Variants in CNTN5 observed in about 807,000 individuals in gnomAD.
CNTN5 encodes the protein contactin 5.
A neutral mutation model predicts 129.1 loss-of-function variants in CNTN5; 77 were observed. The observed-to-expected ratio is 0.60, with a 90% CI of 0.50 to 0.72. The LOEUF (loss-of-function observed/expected upper bound fraction) is 0.72, where lower values mean the gene tolerates loss of function less well. CNTN5 is among the 30% of genes least tolerant of loss of function. The probability of loss-of-function intolerance (pLI) is 0.00; values close to 1 mark genes in which losing one functional copy is unlikely to be tolerated. For synonymous variants in CNTN5, 509 were observed against 465.6 expected (o/e 1.09, Z -1.20); for missense variants, 1,478 against 1,328.8 (o/e 1.11, Z -1.75).
At chr11:99,285,178 G>A (rs530681805) in intron 1 of CNTN5, among the ~76,000 whole-genome samples, 2 of 152,230 alleles carry the variant, frequency 1.3e-5, no homozygotes, top group African/African-American at 4.8e-5. Flanking sequence ...CTCAGATGTG[G>A]CAGATAAATG....
In CNTN5 at chr11:100,312,515, C is replaced by T. The variant is rs924120894; in HGVS notation, c.2730+4047C>T. Among the ~76,000 whole-genome samples the T allele has an allele frequency of 2.0e-5, 3 of 152,096 alleles. No individual in the cohort carries two copies. In the South Asian group the frequency reaches 6.2e-4, roughly 32 times the overall value. On this transcript the variant is annotated intron_variant, in intron 21 of 24. Transcript: ENST00000524871. ...CTAATTATTACTAAAATATAATGAA[C>T]CCATAAAGCTTAACAATTTTGTTTA...
chr11:100,096,808 G>A (rs900061476), intron 13 of CNTN5, among the ~76,000 whole-genome samples: 9 of 151,936 alleles, frequency 5.9e-5, no homozygotes, highest in South Asian at 2.1e-4. Context: ...TGACTCTCCC[G>A]ACCACATGGA....
chr11:100,267,550 A>G (rs752816933), intron 17 of CNTN5, among the ~76,000 whole-genome samples: 4 of 152,108 alleles, frequency 2.6e-5, no homozygotes, highest in Non-Finnish European at 5.9e-5. Context: ...TATAAGAGGT[A>G]TGAACTTAGC....
At chr11:99,847,387 T>G (rs1369788137) in intron 6 of CNTN5, among the ~76,000 whole-genome samples, 3 of 152,226 alleles carry the variant, frequency 2.0e-5, no homozygotes, top group Non-Finnish European at 2.9e-5. Flanking sequence ...GTATCTTACC[T>G]ATTTAGCATG....
At chr11:99,218,766 G>T (rs994978385) in intron 1 of CNTN5, among the ~76,000 whole-genome samples, 3 of 152,020 alleles carry the variant, frequency 2.0e-5, no homozygotes, top group Non-Finnish European at 2.9e-5. Flanking sequence ...AACCTCTTTT[G>T]TATTTTATGT....
intron 21 of CNTN5, among the ~76,000 whole-genome samples, chr11:100,332,547 G>A (rs1951926143): frequency 6.6e-6 from 1 of 151,954 alleles, no homozygotes; most frequent in Non-Finnish European, 1.5e-5. Context: ...GAAAACTACA[G>A]ATCAATATCC....
intron 1 of CNTN5, among the ~76,000 whole-genome samples, chr11:99,174,403 G>T (rs12366204): frequency 0.13 from 19,938 of 152,188 alleles, 1,457 homozygotes; most frequent in Middle Eastern, 0.24. Flanking sequence ...ATAAGATAAT[G>T]CATTTTTAAC....
intron 2 of CNTN5, among the ~76,000 whole-genome samples, chr11:99,331,698 T>C (rs955519604): frequency 7.2e-5 from 11 of 152,158 alleles, no homozygotes; most frequent in African/African-American, 2.7e-4. Flanking sequence ...TAAATTGCAA[T>C]GTTGTATTTA....
At chr11:99,395,146 A>G (rs1056910471) in intron 2 of CNTN5, among the ~76,000 whole-genome samples, 6 of 151,936 alleles carry the variant, frequency 3.9e-5, no homozygotes, top group Non-Finnish European at 5.9e-5. Flanking sequence ...AAACTAATTT[A>G]TACTCCCACT....
chr11:100,064,186 G>A (rs10894383), intron 10 of CNTN5, among the ~76,000 whole-genome samples: 119,647 of 152,180 alleles, frequency 0.79, 47,436 homozygotes, highest in East Asian at 1. Flanking sequence ...CAAACAGTCA[G>A]TATTCATGTA....
At chr11:99,688,665 G>A (rs192285803) in intron 3 of CNTN5, among the ~76,000 whole-genome samples, 34 of 152,154 alleles carry the variant, frequency 2.2e-4, no homozygotes, top group African/African-American at 7.5e-4. Context: ...TTGTTACATA[G>A]GTAAACATGT....
At chr11:99,545,574 A>T (rs1166243775) in intron 2 of CNTN5, among the ~76,000 whole-genome samples, 3 of 152,198 alleles carry the variant, frequency 2.0e-5, no homozygotes, top group Admixed American at 2.0e-4. Context: ...ATATCACGTT[A>T]TACAAAGGAA....
chr11:99,846,062 C>T (rs192327348), intron 6 of CNTN5, among the ~76,000 whole-genome samples: 1 of 151,664 alleles, frequency 6.6e-6, no homozygotes, highest in Admixed American at 6.6e-5. Context: ...TAGATTTTGA[C>T]TATATCTCCT....
intron 3 of CNTN5, among the ~76,000 whole-genome samples, chr11:99,796,244 G>C (rs575093737): frequency 9.2e-5 from 14 of 152,198 alleles, no homozygotes; most frequent in Admixed American, 6.5e-4. Flanking sequence ...GGAATCTCTG[G>C]GCACATTTGC....
At chr11:99,964,998 G>T (rs1951055648) in intron 8 of CNTN5, among the ~76,000 whole-genome samples, 1 of 152,144 alleles carries the variant, frequency 6.6e-6, no homozygotes, top group African/African-American at 2.4e-5. Context: ...TGTGGGATCG[G>T]TGGTGATATC....
intron 3 of CNTN5, among the ~76,000 whole-genome samples, chr11:99,595,907 C>G (rs1591335309): frequency 6.6e-6 from 1 of 152,052 alleles, no homozygotes; most frequent in Admixed American, 6.6e-5. Context: ...TGCTTCAAGT[C>G]TAAGTCCCTA....
chr11:100,271,544 T>A (rs1485405141), intron 18 of CNTN5, among the ~76,000 whole-genome samples: 1 of 152,148 alleles, frequency 6.6e-6, no homozygotes, highest in Non-Finnish European at 1.5e-5. Context: ...AATATACTCA[T>A]TCAATATAGC....
chr11:99,748,274 T>A (rs1192427516), intron 3 of CNTN5, among the ~76,000 whole-genome samples: 1 of 152,154 alleles, frequency 6.6e-6, no homozygotes, highest in African/African-American at 2.4e-5. Flanking sequence ...GTTTGAGAAA[T>A]ATTGGGATTA....
intron 3 of CNTN5, among the ~76,000 whole-genome samples, chr11:99,741,835 A>G (rs918928980): frequency 2.6e-5 from 4 of 152,034 alleles, no homozygotes; most frequent in Non-Finnish European, 5.9e-5. Context: ...TCTTGCCGCT[A>G]TGTTTGGTGT....
Sources: allele counts gnomAD v4.1 joint callset (sites outside exome capture counted in the v4.1 genomes callset), GRCh38; gene constraint gnomAD v4.1.1; transcripts MANE v1.5; gene names NCBI Gene and HGNC (gene_info 2026-07-23, HGNC 2026-07-21).